Variants in STARD13 observed in about 807,000 individuals in gnomAD.
STARD13 encodes the protein stAR-related lipid transfer protein 13.
STARD13 carries 62 observed loss-of-function variants against 106.4 expected under a neutral mutation model. That is an observed-to-expected ratio of 0.58 (90% CI 0.48 to 0.72). The LOEUF is 0.72. STARD13 is among the 30% of genes least tolerant of loss of function. The probability of loss-of-function intolerance (pLI) is 0.00; values close to 1 mark genes in which losing one functional copy is unlikely to be tolerated. For missense variants in STARD13, 1,387 were observed against 1,424.0 expected (o/e 0.97, Z 0.42); for synonymous variants, 565 against 553.0 (o/e 1.02, Z -0.31).
chr13:33,564,568 A>G, the STARD13 span, among the ~76,000 whole-genome samples: 20 of 147,194 alleles, frequency 1.4e-4, 2 homozygotes, highest in African/African-American at 4.8e-4. Context: ...TATTAAAGAG[A>G]TATCTACACT....
the STARD13 span, among the ~76,000 whole-genome samples, chr13:33,565,593 C>T: frequency 1.0e-4 from 15 of 148,204 alleles, 3 homozygotes; most frequent in South Asian, 3.0e-3. Context: ...TGTGACCTTT[C>T]CATACCATTT....
At chr13:33,329,268 G>C (rs942529073) in intron 1 of STARD13, among the ~76,000 whole-genome samples, 1 of 151,706 alleles carries the variant, frequency 6.6e-6, no homozygotes, top group African/African-American at 2.4e-5. Context: ...TAAATTCTTT[G>C]TGACAATTTA....
At chr13:33,124,009 A>G (rs1251217965) in intron 7 of STARD13, among the ~76,000 whole-genome samples, 1 of 152,188 alleles carries the variant, frequency 6.6e-6, no homozygotes, top group Admixed American at 6.5e-5. Flanking sequence ...TTTCAATTCC[A>G]CAGAAGTGCT....
chr13:33,618,220 A>G, the STARD13 span, among the ~76,000 whole-genome samples: 1 of 152,212 alleles, frequency 6.6e-6, no homozygotes, highest in Non-Finnish European at 1.5e-5. Flanking sequence ...ATCAAATTTC[A>G]GTAATAGTAT....
At chr13:33,263,347 C>A (rs974146111) in intron 1 of STARD13, among the ~76,000 whole-genome samples, 3 of 152,070 alleles carry the variant, frequency 2.0e-5, no homozygotes, top group African/African-American at 7.3e-5. Flanking sequence ...TGTAAAGGAG[C>A]CCCCTCTCCT....
At chr13:33,223,976 G>C (rs1053109643) in intron 1 of STARD13, among the ~76,000 whole-genome samples, 1 of 152,180 alleles carries the variant, frequency 6.6e-6, no homozygotes, top group Non-Finnish European at 1.5e-5. Flanking sequence ...GGTTTGGTGA[G>C]TGATGGCCAC....
chr13:33,369,773 GTTAC>G, the STARD13 span, among the ~76,000 whole-genome samples: 1 of 151,932 alleles, frequency 6.6e-6, no homozygotes, highest in African/African-American at 2.4e-5. Context: ...TGCTTTGAGA[GTTAC>G]TTATCATTAA....
intron 3 of STARD13, among the ~76,000 whole-genome samples, chr13:33,157,670 AAAAC>A (rs1306290180): frequency 1.3e-5 from 2 of 152,156 alleles, no homozygotes; most frequent in South Asian, 2.1e-4. Flanking sequence ...ACTCTGCCTA[AAAAC>A]AAACAAACAA....
the STARD13 span, among the ~76,000 whole-genome samples, chr13:33,602,550 A>G: frequency 6.6e-6 from 1 of 152,182 alleles, no homozygotes; most frequent in Non-Finnish European, 1.5e-5. Flanking sequence ...TCAGGTGTCA[A>G]TGTCAATTTA....
At chr13:33,474,660 C>A in the STARD13 span, among the ~76,000 whole-genome samples, 2 of 152,134 alleles carry the variant, frequency 1.3e-5, no homozygotes, top group African/African-American at 4.8e-5. Flanking sequence ...TGGCAGCATA[C>A]ACTTCTGTCT....
intron 2 of STARD13, among the ~76,000 whole-genome samples, chr13:33,165,707 T>G (rs1305177375): frequency 7.2e-5 from 11 of 152,238 alleles, no homozygotes; most frequent in Admixed American, 7.2e-4. Flanking sequence ...TAGGTGGATG[T>G]GGCCTCAGAG....
At chr13:33,471,497 T>C in the STARD13 span, among the ~76,000 whole-genome samples, 1 of 152,196 alleles carries the variant, frequency 6.6e-6, no homozygotes, top group Non-Finnish European at 1.5e-5. Flanking sequence ...AGGTTTACTT[T>C]CAGAATGGGA....
chr13:33,138,891 G>T (rs1342958691), intron 4 of STARD13: 2 of 471,686 alleles, frequency 4.2e-6, no homozygotes, highest in East Asian at 6.1e-5. Flanking sequence ...ACTGTATTGT[G>T]GGAGGGTAGC....
chr13:33,239,134 T>A (rs2138239762), intron 1 of STARD13, among the ~76,000 whole-genome samples: 1 of 152,304 alleles, frequency 6.6e-6, no homozygotes, highest in East Asian at 1.9e-4. Context: ...CGAATTTGTC[T>A]TTTTGTGATT....
the STARD13 span, among the ~76,000 whole-genome samples, chr13:33,624,730 T>G: frequency 3.3e-5 from 5 of 152,212 alleles, no homozygotes; most frequent in Non-Finnish European, 5.9e-5. Context: ...ATGTAGGTAA[T>G]TGGATAAAGT....
chr13:33,352,659 G>T (rs61945472), upstream of STARD13, among the ~76,000 whole-genome samples: 6,325 of 152,294 alleles, frequency 0.042, 167 homozygotes, highest in Non-Finnish European at 0.062. Flanking sequence ...GAAATGATCT[G>T]CCTGGAACAG....
At chr13:33,323,185 C>G (rs1375765755) in intron 1 of STARD13, among the ~76,000 whole-genome samples, 2 of 152,214 alleles carry the variant, frequency 1.3e-5, no homozygotes, top group Non-Finnish European at 2.9e-5. Context: ...CCCACTGATT[C>G]TCTGAGCTCC....
intron 1 of STARD13, among the ~76,000 whole-genome samples, chr13:33,220,933 T>C (rs2138176047): frequency 6.6e-6 from 1 of 152,306 alleles, no homozygotes; most frequent in African/African-American, 2.4e-5. Context: ...AGAGATTTAC[T>C]GAATATCGTT....
chr13:33,343,587 A>ACAAC (rs1338884044), intron 1 of STARD13, among the ~76,000 whole-genome samples: 1 of 95,600 alleles, frequency 1.0e-5, no homozygotes, highest in East Asian at 2.9e-4. Flanking sequence ...TAAAAAAAAA[A>ACAAC]AAAAAAAAAA....
Sources: gnomAD v4.1 joint callset for allele counts (sites outside exome capture counted in the v4.1 genomes callset) on GRCh38, gnomAD v4.1.1 for gene constraint, MANE v1.5 for transcripts, NCBI Gene and HGNC (gene_info 2026-07-23, HGNC 2026-07-21) for gene names.